Variants in CYRIA observed in about 807,000 individuals in gnomAD.
CYRIA encodes the protein CYFIP-related Rac1 interactor A.
A neutral mutation model predicts 43.9 loss-of-function variants in CYRIA; 15 were observed. The observed-to-expected ratio is 0.34, with a 90% CI of 0.23 to 0.53. The LOEUF (loss-of-function observed/expected upper bound fraction) is 0.53. CYRIA is among the 20% of genes least tolerant of loss of function. The pLI, the probability that CYRIA is intolerant of heterozygous loss-of-function variation, is 0.94. For synonymous variants in CYRIA, 117 were observed against 136.0 expected (o/e 0.86, Z 0.97); for missense variants, 236 against 394.2 (o/e 0.60, Z 3.40).
chr2:16,574,107 T>C (rs971769202), intron 3 of CYRIA, among the ~76,000 whole-genome samples: 4 of 152,078 alleles, frequency 2.6e-5, no homozygotes, highest in African/African-American at 7.2e-5. Context: ...CAGGCTGAGG[T>C]GGTCTCAGGT....
At chr2:16,617,953 C>T (rs1668861988) in intron 2 of CYRIA, among the ~76,000 whole-genome samples, 1 of 152,156 alleles carries the variant, frequency 6.6e-6, no homozygotes, top group African/African-American at 2.4e-5. Flanking sequence ...CAAGTTAACC[C>T]CAGATATCAT....
intron 1 of CYRIA, among the ~76,000 whole-genome samples, chr2:16,626,426 G>A (rs940536863): frequency 3.3e-5 from 5 of 152,018 alleles, no homozygotes; most frequent in African/African-American, 9.7e-5. Context: ...CAGTTAACAC[G>A]GACCCCCACT....
At chr2:16,585,175 C>T (rs1465410017) in intron 3 of CYRIA, among the ~76,000 whole-genome samples, 1 of 152,090 alleles carries the variant, frequency 6.6e-6, no homozygotes, top group Non-Finnish European at 1.5e-5. Context: ...CCCCTCCAGC[C>T]CATCATCATT....
chr2:16,589,993 T>G (rs1220189241), intron 2 of CYRIA, among the ~76,000 whole-genome samples: 2 of 151,896 alleles, frequency 1.3e-5, no homozygotes, highest in East Asian at 3.9e-4. Context: ...GAATTATGTG[T>G]GGGGCAGAAG....
intron 3 of CYRIA, among the ~76,000 whole-genome samples, chr2:16,574,263 T>C (rs530273066): frequency 1.9e-3 from 289 of 152,250 alleles, no homozygotes; most frequent in African/African-American, 6.9e-3. Flanking sequence ...GTGGAAGAAA[T>C]TTCTAAGCAG....
chr2:16,624,959 C>G (rs899471320), intron 1 of CYRIA, among the ~76,000 whole-genome samples: 1 of 152,178 alleles, frequency 6.6e-6, no homozygotes, highest in African/African-American at 2.4e-5. Flanking sequence ...AATGCAGAAG[C>G]AGAAATAAAC....
chr2:16,642,934 T>G (rs1328483801), intron 1 of CYRIA, among the ~76,000 whole-genome samples: 1 of 151,790 alleles, frequency 6.6e-6, no homozygotes, highest in Non-Finnish European at 1.5e-5. Context: ...CCATTGACCT[T>G]TTGACCTTCT....
At chr2:16,606,915 A>C (rs544476636) in intron 2 of CYRIA, among the ~76,000 whole-genome samples, 50 of 152,266 alleles carry the variant, frequency 3.3e-4, no homozygotes, top group Non-Finnish European at 4.1e-4. Context: ...GGTCAAATTT[A>C]TTTTGGGAAG....
intron 3 of CYRIA, among the ~76,000 whole-genome samples, chr2:16,571,496 G>T (rs150879644): frequency 6.6e-6 from 1 of 152,146 alleles, no homozygotes; most frequent in African/African-American, 2.4e-5. Context: ...TTTATAGATC[G>T]GCCAAGGACT....
intron 4 of CYRIA, 42 bp from the exon 5 acceptor site, chr2:16,564,136 T>C (rs770125998): frequency 1.4e-6 from 2 of 1,469,846 alleles, no homozygotes; most frequent in Admixed American, 3.4e-5. Flanking sequence ...AAAGAAGTGG[T>C]AAGCTCCACA....
intron 1 of CYRIA, among the ~76,000 whole-genome samples, chr2:16,652,957 T>A (rs757688276): frequency 1.2e-4 from 18 of 152,176 alleles, no homozygotes; most frequent in Non-Finnish European, 2.5e-4. Context: ...AATGTTTATT[T>A]AAAAAAATCA....
chr2:16,565,797 T>C (rs1229379983), intron 3 of CYRIA, 30 bp from the exon 4 acceptor site: 1 of 1,517,650 alleles, frequency 6.6e-7, no homozygotes, highest in Non-Finnish European at 9.0e-7. Flanking sequence ...AGAGACAGAG[T>C]GCTGGTGTTT....
At chr2:16,577,120 T>G (rs1667379746) in intron 3 of CYRIA, among the ~76,000 whole-genome samples, 1 of 152,208 alleles carries the variant, frequency 6.6e-6, no homozygotes, top group South Asian at 2.1e-4. Flanking sequence ...TTAAAAATAC[T>G]GTATTATACA....
chr2:16,653,420 C>T (rs1446522403), intron 1 of CYRIA, among the ~76,000 whole-genome samples: 2 of 152,252 alleles, frequency 1.3e-5, no homozygotes, highest in Non-Finnish European at 2.9e-5. Context: ...CTCACCTTCT[C>T]TGACAACCCT....
At chr2:16,636,000 C>A (rs547064979) in intron 1 of CYRIA, among the ~76,000 whole-genome samples, 2 of 152,226 alleles carry the variant, frequency 1.3e-5, no homozygotes, top group African/African-American at 4.8e-5. Flanking sequence ...GCACGGGGAA[C>A]TGCAACAGAA....
At chr2:16,618,001 T>G (rs1026690502) in intron 2 of CYRIA, among the ~76,000 whole-genome samples, 2 of 152,210 alleles carry the variant, frequency 1.3e-5, no homozygotes, top group African/African-American at 2.4e-5. Flanking sequence ...CCCTCTTTAT[T>G]TATTTTTAAA....
chr2:16,609,407 A>G (rs185543790), intron 2 of CYRIA, among the ~76,000 whole-genome samples: 3 of 152,348 alleles, frequency 2.0e-5, no homozygotes, highest in Non-Finnish European at 4.4e-5. Flanking sequence ...TGGATTAGCC[A>G]GAAGACCCTG....
intron 2 of CYRIA, among the ~76,000 whole-genome samples, chr2:16,611,503 T>C (rs1668601329): frequency 6.6e-6 from 1 of 152,126 alleles, no homozygotes; most frequent in African/African-American, 2.4e-5. Context: ...CAAAGACAAC[T>C]ATAATGGGGA....
intron 1 of CYRIA, among the ~76,000 whole-genome samples, chr2:16,627,203 T>C (rs1201770064): frequency 6.6e-6 from 1 of 152,094 alleles, no homozygotes; most frequent in African/African-American, 2.4e-5. Context: ...GCACAACAAC[T>C]GAAGGGAAGG....
Sources: gnomAD v4.1 joint callset for allele counts (sites outside exome capture counted in the v4.1 genomes callset) on GRCh38, gnomAD v4.1.1 for gene constraint, MANE v1.5 for transcripts, NCBI Gene and HGNC (gene_info 2026-07-23, HGNC 2026-07-21) for gene names.